The following MAPRE2 variants were observed in gnomAD, a reference collection of about 807,000 sequenced individuals.
MAPRE2 encodes microtubule associated protein RP/EB family member 2.
A neutral mutation model predicts 43.2 loss-of-function variants in MAPRE2; 13 were observed. The ratio of observed to expected loss-of-function variants is 0.30; its 90% CI spans 0.20 to 0.48. The LOEUF is 0.48. Ranked by LOEUF, MAPRE2 falls within the 20% of genes least tolerant of loss-of-function variation. MAPRE2 has a pLI of 0.99. For synonymous variants in MAPRE2, 135 were observed against 148.8 expected, an observed-to-expected ratio of 0.91 and a Z score of 0.68; for missense variants, 161 against 400.2, an observed-to-expected ratio of 0.40 and a Z score of 5.10.
intron 1 of MAPRE2, among the ~76,000 whole-genome samples, chr18:35,055,559 GTGTGTA>G (rs941682808): frequency 2.0e-5 from 3 of 149,494 alleles, no homozygotes; most frequent in Admixed American, 6.6e-5. Context: ...GTGTGTGTGT[GTGTGTA>G]TGTGTGTGTG....
At chr18:35,060,788 A>T (rs1375245745) in intron 1 of MAPRE2, among the ~76,000 whole-genome samples, 1 of 152,174 alleles carries the variant, frequency 6.6e-6, no homozygotes, top group African/African-American at 2.4e-5. Flanking sequence ...CTGCCTAATG[A>T]ATAGTAGTGG....
In MAPRE2 at chr18:35,126,914, G is replaced by T. The variant is rs758079856; in HGVS notation, c.611-34G>T. The T allele has an allele frequency of 2.5e-6, 4 of 1,599,356 alleles. No individual in the cohort carries two copies. In the South Asian group the frequency reaches 3.3e-5, roughly 13 times the overall value. On this transcript the variant is annotated intron_variant, in intron 4 of 6. Coordinates refer to ENST00000300249, the MANE Select transcript of MAPRE2 (RefSeq NM_014268.4). The stretch of plus-strand genomic sequence containing the variant: ...GTATCTAAAACACACTTTTAATATT[G>T]CCAGTATTTATCATTTATTCTGATT...
chr18:35,010,139 C>A (rs1237358709), intron 2 of MAPRE2, among the ~76,000 whole-genome samples: 2 of 152,126 alleles, frequency 1.3e-5, no homozygotes, highest in Non-Finnish European at 2.9e-5. Context: ...GTAATCCCAA[C>A]ACTTTTGGAG....
At chr18:35,035,547 T>C (rs1189007035) in intron 2 of MAPRE2, among the ~76,000 whole-genome samples, 1 of 151,904 alleles carries the variant, frequency 6.6e-6, no homozygotes, top group Non-Finnish European at 1.5e-5. Context: ...CTCCTACCTG[T>C]TAAAAGATTT....
intron 1 of MAPRE2, among the ~76,000 whole-genome samples, chr18:34,984,980 A>T (rs1195449010): frequency 1.6e-4 from 12 of 74,920 alleles, no homozygotes; most frequent in Non-Finnish European, 2.1e-4. Flanking sequence ...AATATATAAA[A>T]TATATTATAT....
At chr18:35,103,174 A>G (rs755245168) in intron 4 of MAPRE2, among the ~76,000 whole-genome samples, 7 of 152,192 alleles carry the variant, frequency 4.6e-5, no homozygotes, top group African/African-American at 7.2e-5. Flanking sequence ...ATATTTAAAA[A>G]TAAATATTTT....
At chr18:35,078,532 T>G (rs1009458517) in intron 2 of MAPRE2, among the ~76,000 whole-genome samples, 3 of 152,198 alleles carry the variant, frequency 2.0e-5, no homozygotes, top group African/African-American at 7.2e-5. Flanking sequence ...ATTCCTATTT[T>G]ATGAGGCTAA....
chr18:35,133,911 C>T (rs1279236746), intron 6 of MAPRE2, among the ~76,000 whole-genome samples: 1 of 152,210 alleles, frequency 6.6e-6, no homozygotes, highest in Non-Finnish European at 1.5e-5. Context: ...CCCACACACA[C>T]ATACATCCCA....
chr18:35,027,046 A>C (rs1286014040), intron 2 of MAPRE2, among the ~76,000 whole-genome samples: 2 of 152,184 alleles, frequency 1.3e-5, no homozygotes, highest in African/African-American at 4.8e-5. Context: ...GAAACTCCGA[A>C]GTTGAACATT....
chr18:35,087,253 A>C (rs1907921547), intron 2 of MAPRE2, among the ~76,000 whole-genome samples: 1 of 151,434 alleles, frequency 6.6e-6, no homozygotes, highest in African/African-American at 2.5e-5. Flanking sequence ...TAGAAAGAAT[A>C]GTTTTTTCCC....
chr18:34,986,920 T>C (rs1441683664), intron 1 of MAPRE2, among the ~76,000 whole-genome samples: 1 of 152,210 alleles, frequency 6.6e-6, no homozygotes, highest in Non-Finnish European at 1.5e-5. Context: ...GCAATCCTAC[T>C]TTTATGATAC....
chr18:35,058,334 A>G (rs774584671), intron 1 of MAPRE2, among the ~76,000 whole-genome samples: 26 of 152,162 alleles, frequency 1.7e-4, no homozygotes, highest in Middle Eastern at 3.2e-3. Context: ...TTAAAAATCA[A>G]TTTTACCATA....
At chr18:35,139,646 T>C (rs935145671) in intron 6 of MAPRE2, among the ~76,000 whole-genome samples, 5 of 152,314 alleles carry the variant, frequency 3.3e-5, no homozygotes, top group Middle Eastern at 3.4e-3. Context: ...AGCTCCCTCA[T>C]TGGGAGGGGC....
intron 3 of MAPRE2, among the ~76,000 whole-genome samples, chr18:35,101,037 C>T (rs1908653685): frequency 6.6e-6 from 1 of 152,148 alleles, no homozygotes; most frequent in Non-Finnish European, 1.5e-5. Context: ...GAAACTCCGT[C>T]TCAAAATAAA....
At chr18:35,045,281 T>C (rs1905562938) in intron 1 of MAPRE2, among the ~76,000 whole-genome samples, 1 of 152,264 alleles carries the variant, frequency 6.6e-6, no homozygotes, top group Non-Finnish European at 1.5e-5. Context: ...CTCTGTTTCA[T>C]GCAGATGCTA....
At chr18:34,978,327 G>T in intron 1 of MAPRE2, 1 of 652,788 alleles carries the variant, frequency 1.5e-6, no homozygotes, top group Non-Finnish European at 2.7e-6. Context: ...TCAAACCCGC[G>T]CCCGCGCGCA....
At position 35,084,401 on chromosome 18, in the gene MAPRE2, TA is replaced by T. The variant is rs1439854984; in HGVS notation, c.251-13040del. Among the ~76,000 whole-genome samples, 25 of 152,334 alleles carry T rather than the reference TA, an allele frequency of 1.6e-4. No homozygotes were observed. In the Middle Eastern group the frequency reaches 0.01, roughly 62 times the overall value. Reference sequence around the variant, plus strand: ...GTTTGGTGCAGGCCTATAAGATTCTTAAAAAGGTTTTAAGATCATATGAATT... The same window carrying T: ...GTTTGGTGCAGGCCTATAAGATTCTTAAAAGGTTTTAAGATCATATGAATT... On this transcript the variant is annotated intron_variant, in intron 2 of 6. Transcript: ENST00000300249.
rs1555909534 is a variant in MAPRE2, at chr18:34,985,535, AATAT to A, written c.-70+8460_-70+8463del. On this transcript the variant is annotated intron_variant, in intron 1 of 7. Transcript: ENST00000413393. ...TATATATATTATATATTATAAATATAATATATAATATATATATTATATATTATAA... is the reference window on the plus strand; with the variant it reads ...TATATATATTATATATTATAAATATAATAATATATATATTATATATTATAA... 4.5e-5 allele frequency among the ~76,000 whole-genome samples: 2 copies of A among 44,696 alleles called. 1 individual carries two copies. Among genetic ancestry groups the A allele is most frequent in the Admixed American group, 8.3e-4 (2 of 2,412 alleles). 29.3% of individuals were successfully genotyped at this position (44,696 alleles called of 152,430 possible). A position where few individuals can be genotyped will look rare whatever the true frequency, so the allele number is the denominator to read the frequency against.
At chr18:35,045,853 A>T (rs2150601388) in intron 1 of MAPRE2, among the ~76,000 whole-genome samples, 1 of 152,264 alleles carries the variant, frequency 6.6e-6, no homozygotes, top group South Asian at 2.1e-4. Flanking sequence ...TATTTTTCTT[A>T]GTGTTTGTAA....
Sources: gnomAD v4.1 joint callset for allele counts (sites outside exome capture counted in the v4.1 genomes callset) on GRCh38, gnomAD v4.1.1 for gene constraint, MANE v1.5 for transcripts, NCBI Gene and HGNC (gene_info 2026-07-23, HGNC 2026-07-21) for gene names.